Variants in UBA2 observed in about 807,000 individuals in gnomAD.
The protein encoded by UBA2 is SUMO-activating enzyme subunit 2.
A neutral mutation model predicts 77.2 loss-of-function variants in UBA2; 11 were observed. That is an observed-to-expected ratio of 0.14 (90% CI 0.09 to 0.24). UBA2 has a LOEUF of 0.24. UBA2 is among the 10% of genes least tolerant of loss of function. The pLI is 1.00. For synonymous variants in UBA2, 278 were observed against 276.7 expected (o/e 1.00, Z -0.05); for missense variants, 487 against 781.7 (o/e 0.62, Z 4.50).
At chr19:34,457,029 A>G (rs955516682) in intron 12 of UBA2, among the ~76,000 whole-genome samples, 23 of 150,880 alleles carry the variant, frequency 1.5e-4, no homozygotes, top group South Asian at 1.3e-3. Context: ...CTCTTGGACT[A>G]TTAATAGTAA....
At position 34,431,715 on chromosome 19, in the gene UBA2, T is replaced by A. The variant is rs549607919; in HGVS notation, c.223-146T>A. On this transcript the variant is annotated intron_variant, in intron 2 of 16. Transcript: ENST00000246548. ...TTTTATAAGTGTAGCTTAACCCTAA[T>A]GCAATTTTCTCACATTTTTGGACTT... The A allele has an allele frequency of 4.4e-6, 3 of 675,392 alleles. No homozygotes were observed. The East Asian group carries it at 8.0e-5, about 18-fold the overall frequency. The allele number at this position is 675,392 out of a possible 1,614,324, so 41.8% of individuals were successfully genotyped here.
rs538835717 is a variant in UBA2, at chr19:34,435,405, A to G, written c.459+437A>G. On this transcript the variant is annotated intron_variant, in intron 5 of 16. Coordinates refer to ENST00000246548, the MANE Select transcript of UBA2 (RefSeq NM_005499.3). ...AGATCAAGCCTCTGTCTCAAAAAAC[A>G]AACTTAAAATGCTATAAACGTGCTC... 4.6e-5 allele frequency among the ~76,000 whole-genome samples: 7 copies of G among 152,340 alleles called. No individual in the cohort carries two copies. The South Asian group carries it at 1.5e-3, about 32-fold the overall frequency.
At chr19:34,452,251 G>C in intron 10 of UBA2, 104 bp downstream of exon 10, 5 of 1,036,690 alleles carry the variant, frequency 4.8e-6, no homozygotes, top group Non-Finnish European at 6.9e-6. Context: ...ACTAGATTTT[G>C]AGGAAATATA....
At chr19:34,452,926 G>C (rs898811833) in intron 10 of UBA2, among the ~76,000 whole-genome samples, 1 of 152,168 alleles carries the variant, frequency 6.6e-6, no homozygotes, top group African/African-American at 2.4e-5. Context: ...CTTGGGTTTT[G>C]TGATATTTAA....
chr19:34,445,516 T>C (rs922311684), intron 8 of UBA2, among the ~76,000 whole-genome samples: 1 of 148,904 alleles, frequency 6.7e-6, no homozygotes, highest in African/African-American at 2.5e-5. Context: ...CTCGGCTCAC[T>C]GCAGCCCCGC....
In UBA2 at chr19:34,433,430, C is replaced by G. The variant is rs746370893; in HGVS notation, c.358+18C>G. ...TAACAGAGGTGAGGTTATTTTAATA[C>G]TTTTAATTTCTCAGTATTTCCTCTC... On this transcript the variant is annotated intron_variant, in intron 4 of 16. Coordinates refer to ENST00000246548, the MANE Select transcript of UBA2 (RefSeq NM_005499.3). 1 of 1,488,514 alleles carries G rather than the reference C, an allele frequency of 6.7e-7. No individual in the cohort carries two copies. Among genetic ancestry groups the G allele is most frequent in the South Asian group, 1.2e-5 (1 of 85,442 alleles). The allele number at this position is 1,488,514 out of a possible 1,614,324, so 92.2% of individuals were successfully genotyped here.
intron 12 of UBA2, among the ~76,000 whole-genome samples, chr19:34,455,506 A>T (rs1307503237): frequency 6.6e-6 from 1 of 152,160 alleles, no homozygotes; most frequent in East Asian, 1.9e-4. Flanking sequence ...TTCCTAGGAA[A>T]TACTAGCCAA....
chr19:34,461,295 T>G (rs1049317502), intron 14 of UBA2, among the ~76,000 whole-genome samples: 1 of 152,246 alleles, frequency 6.6e-6, no homozygotes, highest in African/African-American at 2.4e-5. Flanking sequence ...TGGTCATTTA[T>G]TCATACTTTG....
chr19:34,456,829 A>G (rs2075567676), intron 12 of UBA2, among the ~76,000 whole-genome samples: 1 of 152,124 alleles, frequency 6.6e-6, no homozygotes, highest in Non-Finnish European at 1.5e-5. Flanking sequence ...AAGTGCTAGA[A>G]TTACAGGAGT....
At chr19:34,431,421 C>T (rs1293359761) in intron 2 of UBA2, among the ~76,000 whole-genome samples, 1 of 151,626 alleles carries the variant, frequency 6.6e-6, no homozygotes, top group Non-Finnish European at 1.5e-5. Context: ...CTGGCCTTTT[C>T]CTGTCATTCT....
intron 6 of UBA2, among the ~76,000 whole-genome samples, chr19:34,440,171 A>C (rs2075353190): frequency 6.6e-6 from 1 of 152,030 alleles, no homozygotes; most frequent in Non-Finnish European, 1.5e-5. Context: ...TATAAATACA[A>C]AAATTAACCA....
At chr19:34,438,605 C>T in intron 5 of UBA2, 40 bp from the exon 6 acceptor site, 1 of 1,608,430 alleles carries the variant, frequency 6.2e-7, no homozygotes, top group Non-Finnish European at 8.5e-7. Flanking sequence ...TGAGAAACTG[C>T]CATCATGGAG....
intron 9 of UBA2, 64 bp from the exon 10 acceptor site, chr19:34,451,913 TAAAC>T (rs2075503292): frequency 2.3e-6 from 2 of 870,750 alleles, no homozygotes; most frequent in East Asian, 3.0e-5. Flanking sequence ...TTGAACTTGT[TAAAC>T]AGAGCACAGT....
In UBA2 at chr19:34,438,708, A is replaced by G. The variant is rs2075336392; in HGVS notation, c.523A>G (p.Ile175Val). The part of the protein sequence containing the change: ...PTQRTFPGCT[I>V]RNTPSEPIHC... ...CCAGAGAACCTTTCCTGGCTGTACA[A>G]TTCGTAACACACCTTCAGAACCTAT... The change falls in exon 6 of 17, where the codon ATT becomes GTT. Residue 175 changes from isoleucine to valine, a missense_variant. By Grantham distance (29) the Ile-to-Val change is conservative. Around this residue, in one of 9 missense-constraint regions of UBA2, gnomAD observed 11 missense variants for 44.9 expected, o/e 0.24. Transcript: ENST00000246548. 6.2e-7 allele frequency: 1 copy of G among 1,614,130 alleles called. No individual in the cohort carries two copies. The highest frequency in any genetic ancestry group is 8.5e-7 in the Non-Finnish European group (1 of 1,180,030).
intron 6 of UBA2, among the ~76,000 whole-genome samples, chr19:34,442,137 A>G (rs2075377093): frequency 6.6e-6 from 1 of 152,108 alleles, no homozygotes; most frequent in Non-Finnish European, 1.5e-5. Flanking sequence ...TGGGAGGCTG[A>G]GGTGAGAGGA....
intron 12 of UBA2, among the ~76,000 whole-genome samples, chr19:34,457,179 A>AAAAAAAATATATATATATAT (rs1262007864): frequency 1.9e-5 from 1 of 53,222 alleles, no homozygotes; most frequent in Non-Finnish European, 3.0e-5. Flanking sequence ...AAAAAAAAAA[A>AAAAAAAATATATATATATAT]ATATATATAT....
intron 9 of UBA2, among the ~76,000 whole-genome samples, chr19:34,451,347 A>G (rs905822410): frequency 6.6e-6 from 1 of 152,046 alleles, no homozygotes; most frequent in Non-Finnish European, 1.5e-5. Flanking sequence ...GCAGTTCTCA[A>G]CAATCAGGGA....
chr19:34,462,396 G>GGTTTTC (rs1188623602), intron 14 of UBA2, among the ~76,000 whole-genome samples: 2 of 152,140 alleles, frequency 1.3e-5, no homozygotes, highest in Non-Finnish European at 2.9e-5. Flanking sequence ...CACATTAACT[G>GGTTTTC]GTTTTCCTTT....
chr19:34,466,773 T>G, intron 15 of UBA2, 105 bp from the exon 16 acceptor site: 2 of 807,550 alleles, frequency 2.5e-6, no homozygotes, highest in Non-Finnish European at 3.8e-6. Flanking sequence ...AGAATCCACA[T>G]ATTTGGTGTA....
Sources: allele counts gnomAD v4.1 joint callset (sites outside exome capture counted in the v4.1 genomes callset), GRCh38; gene constraint gnomAD v4.1.1; regional missense constraint gnomAD v4.1.1; transcripts MANE v1.5; gene names NCBI Gene and HGNC (gene_info 2026-07-23, HGNC 2026-07-21).